The following ZBTB46 variants were observed in gnomAD, a reference collection of about 807,000 sequenced individuals.
ZBTB46 encodes the protein zinc finger and BTB domain-containing protein 46.
A neutral mutation model predicts 44.1 loss-of-function variants in ZBTB46; 8 were observed. The ratio of observed to expected loss-of-function variants is 0.18; its 90% CI spans 0.11 to 0.33. ZBTB46 has a LOEUF of 0.33. Ranked by LOEUF, ZBTB46 falls within the 10% of genes least tolerant of loss-of-function variation. The probability of loss-of-function intolerance (pLI) is 1.00; values close to 1 mark genes in which losing one functional copy is unlikely to be tolerated. For synonymous variants in ZBTB46, 409 were observed against 382.3 expected, an observed-to-expected ratio of 1.07 and a Z score of -0.81; for missense variants, 651 against 847.7, an observed-to-expected ratio of 0.77 and a Z score of 2.88.
chr20:63,745,491 A>C lies in ZBTB46; in HGVS notation c.*1439T>G, dbSNP rs2145733644. The C allele has an allele frequency of 6.6e-6, 1 of 152,414 alleles. No individual in the cohort carries two copies. The highest frequency in any genetic ancestry group is 2.1e-4 in the South Asian group (1 of 4,830). 9.4% of individuals were successfully genotyped at this position (152,414 alleles called of 1,614,324 possible). ...CAATGTGGGGAAAAGCCTGGTATAC[A>C]GGCTAGAAAAAGAGAGTAAAAACTC... On this transcript the variant is annotated 3_prime_UTR_variant, in exon 5 of 5. Transcript: ENST00000245663.
intron 1 of ZBTB46, among the ~76,000 whole-genome samples, chr20:63,810,759 A>G (rs1184822668): frequency 6.6e-6 from 1 of 152,198 alleles, no homozygotes; most frequent in Non-Finnish European, 1.5e-5. Context: ...AAACAAAAAA[A>G]TAAATAAAAA....
intron 1 of ZBTB46, among the ~76,000 whole-genome samples, chr20:63,791,963 G>A (rs1214931916): frequency 6.6e-6 from 1 of 152,208 alleles, no homozygotes; most frequent in Admixed American, 6.5e-5. Flanking sequence ...CGGCCGAGCT[G>A]GTGCCTGTTC....
chr20:63,764,411 A>G (rs6089979), intron 3 of ZBTB46, among the ~76,000 whole-genome samples: 76,855 of 151,026 alleles, frequency 0.51, 20,458 homozygotes, highest in African/African-American at 0.64. Context: ...ACTCCAGCCT[A>G]GGTGACTGAG....
At chr20:63,833,327 C>T (rs1380490948), upstream of ZBTB46, among the ~76,000 whole-genome samples, 1 of 152,252 alleles carries the variant, frequency 6.6e-6, no homozygotes, top group Non-Finnish European at 1.5e-5. Context: ...CGCGGTGTCT[C>T]ACGCCTGTAA....
chr20:63,808,976 C>CAAAAAAAAAAAAAAAAAAAAAAAA (rs1157399042), intron 1 of ZBTB46, among the ~76,000 whole-genome samples: 4 of 75,216 alleles, frequency 5.3e-5, no homozygotes, highest in Non-Finnish European at 5.5e-5. Flanking sequence ...GACTCCGCTT[C>CAAAAAAAAAAAAAAAAAAAAAAAA]AAAAAAAAAA....
intron 1 of ZBTB46, among the ~76,000 whole-genome samples, chr20:63,796,686 G>A (rs764698513): frequency 1.3e-5 from 2 of 151,962 alleles, no homozygotes; most frequent in South Asian, 2.1e-4. Context: ...TTAGCAGGAC[G>A]TGATGGCAGG....
Position 63,746,946 on chromosome 20 carries a change from A to G in ZBTB46, c.1754T>C (p.Phe585Ser). The change falls in exon 5 of 5, where the codon TTC becomes TCC. Residue 585 changes from phenylalanine to serine, a missense_variant. Coordinates refer to ENST00000245663, the MANE Select transcript of ZBTB46 (RefSeq NM_001369741.1). ...CGGGCGGGCCTAGGAGAGCCAGGCG[A>G]AGTCCTTGTCAGGGCCTCCTGGGGG... is the stretch of plus-strand genomic sequence containing the variant. ...RSPPGGPDKD[F>S]AWLS 1.9e-6 allele frequency: 3 copies of G among 1,570,418 alleles called. No individual in the cohort carries two copies. Among genetic ancestry groups the G allele is most frequent in the Non-Finnish European group, 2.6e-6 (3 of 1,161,940 alleles).
chr20:63,827,535 G>A lies in ZBTB46; in HGVS notation c.-34+3562C>T, dbSNP rs1014458919. On this transcript the variant is annotated intron_variant, in intron 1 of 4. Coordinates refer to ENST00000245663, the MANE Select transcript of ZBTB46 (RefSeq NM_001369741.1). ...AGGCAGGAGAATGGCGTGAACCCGG[G>A]AAGCGGAGCTTGCAGTGAGCCGAGA... 1.1e-4 allele frequency among the ~76,000 whole-genome samples: 17 copies of A among 150,446 alleles called. No homozygotes were observed. In the East Asian group the frequency reaches 2.3e-3, roughly 21 times the overall value.
chr20:63,778,475 G>A (rs1290389048), intron 2 of ZBTB46, among the ~76,000 whole-genome samples: 2 of 152,230 alleles, frequency 1.3e-5, no homozygotes, highest in Admixed American at 1.3e-4. Context: ...ATGGGGCAGG[G>A]GGCACTTGGA....
At chr20:63,793,245 C>T (rs2092575394) in intron 1 of ZBTB46, among the ~76,000 whole-genome samples, 1 of 152,108 alleles carries the variant, frequency 6.6e-6, no homozygotes. Flanking sequence ...AAGGAGCTGC[C>T]GAAAAGGAAG....
chr20:63,775,449 C>G, intron 3 of ZBTB46: 1 of 469,036 alleles, frequency 2.1e-6, no homozygotes, highest in South Asian at 5.2e-5. Flanking sequence ...CTGCCCGCCG[C>G]GCTCACAACC....
intron 4 of ZBTB46, among the ~76,000 whole-genome samples, chr20:63,751,603 G>A (rs1015318953): frequency 2.6e-5 from 4 of 151,970 alleles, no homozygotes; most frequent in African/African-American, 9.7e-5. Context: ...CCTGACCTCT[G>A]GCGCTCGGTT....
At chr20:63,811,636 G>A (rs111819247) in intron 1 of ZBTB46, among the ~76,000 whole-genome samples, 109 of 152,268 alleles carry the variant, frequency 7.2e-4, no homozygotes, top group African/African-American at 2.2e-3. Flanking sequence ...AGATCTGCAC[G>A]TGTGAGGGTC....
chr20:63,827,378 C>A (rs1001178869), intron 1 of ZBTB46, among the ~76,000 whole-genome samples: 2 of 151,990 alleles, frequency 1.3e-5, no homozygotes, highest in Non-Finnish European at 2.9e-5. Context: ...GAGGCCGAGG[C>A]GGGTGGATCA....
chr20:63,794,142 A>T (rs188452006), intron 1 of ZBTB46, among the ~76,000 whole-genome samples: 1 of 151,380 alleles, frequency 6.6e-6, no homozygotes, highest in East Asian at 1.9e-4. Flanking sequence ...GCTGAGATCG[A>T]GCCACTGCAC....
In ZBTB46 at chr20:63,752,578, G is replaced by C. The variant is rs2092178981; in HGVS notation, c.1398+108C>G. The stretch of plus-strand genomic sequence containing the variant: ...CCTGCTGTCGTCCCCCCTGTGCAGA[G>C]TGGACCCGGTGTGGGGTCCGGGGCG... On this transcript the variant is annotated intron_variant, in intron 4 of 4. Coordinates refer to ENST00000245663, the MANE Select transcript of ZBTB46 (RefSeq NM_001369741.1). This position sits in a 1 kb window ranked among gnomAD's most constrained non-coding sequence, Gnocchi z 5.6. 2 of 1,317,470 alleles carry C rather than the reference G, an allele frequency of 1.5e-6. No homozygotes were observed. Among genetic ancestry groups the C allele is most frequent in the Non-Finnish European group, 2.0e-6 (2 of 1,007,032 alleles). 81.6% of individuals were successfully genotyped at this position (1,317,470 alleles called of 1,614,324 possible).
intron 1 of ZBTB46, among the ~76,000 whole-genome samples, chr20:63,815,442 G>A (rs1373702275): frequency 6.8e-6 from 1 of 148,124 alleles, no homozygotes; most frequent in Non-Finnish European, 1.5e-5. Flanking sequence ...CACAGGTGCA[G>A]GTGAGCACAG....
Position 63,748,065 on chromosome 20 carries a change from AC to A in ZBTB46, c.1399-765del, listed in dbSNP as rs1486510581. 3.3e-5 allele frequency among the ~76,000 whole-genome samples: 5 copies of A among 149,532 alleles called. No homozygotes were observed. The East Asian group carries it at 1.0e-3, about 31-fold the overall frequency. ...TGCGTGGACACCCCCTCAGCCCCTG[AC>A]CCCCTCAGTCCCTGACCCCTCAGCC... On this transcript the variant is annotated intron_variant, in intron 4 of 4. Coordinates refer to ENST00000245663, the MANE Select transcript of ZBTB46 (RefSeq NM_001369741.1).
At position 63,767,796 on chromosome 20, in the gene ZBTB46, G is replaced by T; in HGVS notation, c.1222+7882C>A. 1.2e-6 allele frequency: 1 copy of T among 861,976 alleles called. No individual in the cohort carries two copies. The highest frequency in any genetic ancestry group is 1.4e-6 in the Non-Finnish European group (1 of 717,140). The allele number at this position is 861,976 out of a possible 1,614,324, so 53.4% of individuals were successfully genotyped here. A position where few individuals can be genotyped will look rare whatever the true frequency, so the allele number is the denominator to read the frequency against. On this transcript the variant is annotated intron_variant, in intron 3 of 4. Coordinates refer to ENST00000245663, the MANE Select transcript of ZBTB46 (RefSeq NM_001369741.1). This position sits in a 1 kb window ranked among gnomAD's most constrained non-coding sequence, Gnocchi z 5.0. ...GCGAGGCCAAGCCGTCCTGGCACTG[G>T]CTGCCCCCAGGGCTGGGCAAGTCCA...
Sources: allele counts gnomAD v4.1 joint callset (sites outside exome capture counted in the v4.1 genomes callset), GRCh38; gene constraint gnomAD v4.1.1; non-coding constraint Gnocchi (gnomAD v3.1); transcripts MANE v1.5; gene names NCBI Gene and HGNC (gene_info 2026-07-23, HGNC 2026-07-21).